The following ZBTB20 variants were observed in gnomAD, a reference collection of about 807,000 sequenced individuals.
ZBTB20 encodes the protein zinc finger and BTB domain-containing protein 20.
Under a neutral mutation model 56.9 loss-of-function variants are expected in ZBTB20, and 9 were observed. The observed-to-expected ratio is 0.16, with a 90% CI of 0.10 to 0.28. The LOEUF is 0.28. Ranked by LOEUF, ZBTB20 falls within the 10% of genes least tolerant of loss-of-function variation. ZBTB20 has a pLI of 1.00. For missense variants in ZBTB20, 655 were observed against 1,003.0 expected (o/e 0.65, Z 4.69); for synonymous variants, 417 against 420.7 (o/e 0.99, Z 0.11).
At chr3:114,595,949 C>T (rs1181102876) in intron 6 of ZBTB20, among the ~76,000 whole-genome samples, 1 of 152,154 alleles carries the variant, frequency 6.6e-6, no homozygotes, top group Non-Finnish European at 1.5e-5. Flanking sequence ...CATAATAATG[C>T]TTCAATTATT....
Position 114,329,087 on chromosome 3 carries a change from C to A in ZBTB20, c.*9918G>T, listed in dbSNP as rs1315661312. 6.6e-6 allele frequency: 1 copy of A among 152,118 alleles called. No individual in the cohort carries two copies. Among genetic ancestry groups the A allele is most frequent in the South Asian group, 2.1e-4 (1 of 4,820 alleles). 9.4% of individuals were successfully genotyped at this position (152,118 alleles called of 1,614,324 possible). On this transcript the variant is annotated 3_prime_UTR_variant, in exon 12 of 12. Transcript: ENST00000675478. ...GCCCTTTCAAAGCAGACTAAGAGTACGTAGTTCCTTAGTGAATACAAGGCT... is the reference window on the plus strand; with the variant it reads ...GCCCTTTCAAAGCAGACTAAGAGTAAGTAGTTCCTTAGTGAATACAAGGCT...
chr3:114,648,965 GACCTAT>G (rs750141440), intron 6 of ZBTB20, among the ~76,000 whole-genome samples: 12 of 151,948 alleles, frequency 7.9e-5, no homozygotes, highest in Non-Finnish European at 1.5e-4. Flanking sequence ...TTAAGAAGTT[GACCTAT>G]ACGTTACTAA....
chr3:114,360,076 G>C (rs577136204), intron 10 of ZBTB20, among the ~76,000 whole-genome samples: 10 of 150,734 alleles, frequency 6.6e-5, no homozygotes, highest in Admixed American at 6.6e-5. Flanking sequence ...GGACTTAAAC[G>C]AGTGAGAAAA....
rs181658892 is a variant in ZBTB20, at chr3:114,713,191, G to C, written c.-342-19616C>G. Among the ~76,000 whole-genome samples, 376 of 151,834 alleles carry C rather than the reference G, an allele frequency of 2.5e-3. 1 individual carries two copies. Among genetic ancestry groups the C allele is most frequent in the African/African-American group, 8.8e-3 (363 of 41,418 alleles). ...GTATGCTTATATTGATTTTATTATA[G>C]TCAAATACATTAATTTGGGGTGTTA... On this transcript the variant is annotated intron_variant, in intron 5 of 11. Coordinates refer to ENST00000675478, the MANE Select transcript of ZBTB20 (RefSeq NM_001348800.3).
chr3:114,985,479 A>T (rs2108112263), intron 2 of ZBTB20, among the ~76,000 whole-genome samples: 1 of 152,252 alleles, frequency 6.6e-6, no homozygotes. Flanking sequence ...CCTAAAATGT[A>T]TTAATACATA....
intron 10 of ZBTB20, among the ~76,000 whole-genome samples, chr3:114,360,110 A>G (rs1310178580): frequency 1.3e-5 from 2 of 151,994 alleles, no homozygotes; most frequent in Non-Finnish European, 2.9e-5. Context: ...TGTCATTAAA[A>G]AAAAAAAAAG....
rs932626046 is a variant in ZBTB20 at position 114,568,378 on chromosome 3, T to C, written c.-294-67987A>G. Among the ~76,000 whole-genome samples the C allele has an allele frequency of 5.9e-5, 9 of 152,326 alleles. 1 individual carries two copies. The Middle Eastern group carries it at 0.014, about 230-fold the overall frequency. The stretch of plus-strand genomic sequence containing the variant: ...GTCTAAAAGAAAGAAAATGTTTTCA[T>C]TGGAACAGCTTACATGTCTGGTACA... On this transcript the variant is annotated intron_variant, in intron 6 of 11. Coordinates refer to ENST00000675478, the MANE Select transcript of ZBTB20 (RefSeq NM_001348800.3).
chr3:114,904,522 C>T (rs1423872105), intron 3 of ZBTB20, among the ~76,000 whole-genome samples: 2 of 151,878 alleles, frequency 1.3e-5, no homozygotes. Flanking sequence ...CTTCTGGACC[C>T]ACTACAGAGC....
Position 114,333,121 on chromosome 3 carries a change from G to A in ZBTB20, c.*5884C>T, listed in dbSNP as rs1482382449. 1 of 152,180 alleles carries A rather than the reference G, an allele frequency of 6.6e-6. No individual in the cohort carries two copies. The highest frequency in any genetic ancestry group is 1.5e-5 in the Non-Finnish European group (1 of 68,030). The allele number at this position is 152,180 out of a possible 1,614,324, so 9.4% of individuals were successfully genotyped here. ...TTAGAAAACTCTTTGCAATATTTTGGTCAGGCTGATCGTCTTGATACTCAG... is the reference window on the plus strand; with the variant it reads ...TTAGAAAACTCTTTGCAATATTTTGATCAGGCTGATCGTCTTGATACTCAG... On this transcript the variant is annotated 3_prime_UTR_variant, in exon 12 of 12. Transcript: ENST00000675478.
At chr3:115,122,237 T>C (rs989407621) in intron 1 of ZBTB20, among the ~76,000 whole-genome samples, 3 of 152,034 alleles carry the variant, frequency 2.0e-5, no homozygotes, top group Non-Finnish European at 4.4e-5. Context: ...GAATTTCTAA[T>C]GGGGGAAGAG....
chr3:114,915,261 C>T (rs2075699555), intron 3 of ZBTB20, among the ~76,000 whole-genome samples: 1 of 151,780 alleles, frequency 6.6e-6, no homozygotes, highest in Non-Finnish European at 1.5e-5. Context: ...TATTACTGGT[C>T]TGTTCAGGTA....
intron 1 of ZBTB20, among the ~76,000 whole-genome samples, chr3:115,101,522 C>T (rs887209789): frequency 5.3e-5 from 8 of 152,206 alleles, no homozygotes; most frequent in East Asian, 3.9e-4. Context: ...CCACTCTCCT[C>T]GTCCCCGAAT....
chr3:115,081,207 A>G (rs1373530911), intron 1 of ZBTB20, among the ~76,000 whole-genome samples: 1 of 152,122 alleles, frequency 6.6e-6, no homozygotes, highest in Non-Finnish European at 1.5e-5. Flanking sequence ...ATGTAAAGCA[A>G]TATCTAAAAC....
chr3:115,116,259 T>G (rs986846865), intron 1 of ZBTB20, among the ~76,000 whole-genome samples: 1 of 152,202 alleles, frequency 6.6e-6, no homozygotes, highest in Admixed American at 6.5e-5. Context: ...GCTCTGATAT[T>G]GCCCAGCTCT....
intron 7 of ZBTB20, among the ~76,000 whole-genome samples, chr3:114,500,014 A>T (rs1343845473): frequency 6.6e-6 from 1 of 152,238 alleles, no homozygotes; most frequent in African/African-American, 2.4e-5. Flanking sequence ...CCAATGATTG[A>T]CAGGGGAGCA....
intron 4 of ZBTB20, among the ~76,000 whole-genome samples, chr3:114,871,147 C>A (rs7623986): frequency 0.018 from 2,781 of 152,266 alleles, 41 homozygotes; most frequent in Non-Finnish European, 0.031. Context: ...TACACGTACA[C>A]CTCAAAGCTT....
intron 3 of ZBTB20, among the ~76,000 whole-genome samples, chr3:114,970,741 G>C (rs370484014): frequency 5.9e-5 from 9 of 152,058 alleles, no homozygotes; most frequent in African/African-American, 7.2e-5. Context: ...TGCAGCCGGG[G>C]GCGGTGGCTC....
At chr3:114,700,428 T>C (rs766463516) in intron 5 of ZBTB20, among the ~76,000 whole-genome samples, 9 of 152,132 alleles carry the variant, frequency 5.9e-5, no homozygotes, top group East Asian at 1.9e-4. Context: ...GGCTTCCCTA[T>C]AGAAAGTTAC....
intron 4 of ZBTB20, among the ~76,000 whole-genome samples, chr3:114,858,435 A>G (rs1423997183): frequency 3.3e-5 from 5 of 152,168 alleles, no homozygotes; most frequent in Non-Finnish European, 5.9e-5. Context: ...TGAAGAGAAC[A>G]TGATTGTCGA....
Sources: allele counts gnomAD v4.1 joint callset (sites outside exome capture counted in the v4.1 genomes callset), GRCh38; gene constraint gnomAD v4.1.1; transcripts MANE v1.5; gene names NCBI Gene and HGNC (gene_info 2026-07-23, HGNC 2026-07-21).